Variants in TCEA1 observed in about 807,000 individuals in gnomAD.
TCEA1 encodes transcription elongation factor A protein 1.
In TCEA1, 21 loss-of-function variants were observed where a neutral mutation model predicts 43.8. The ratio of observed to expected loss-of-function variants is 0.48; its 90% CI spans 0.34 to 0.69. The LOEUF is 0.69. Ranked by LOEUF, TCEA1 falls within the 30% of genes least tolerant of loss-of-function variation. TCEA1 has a pLI of 0.01. For missense variants in TCEA1, 250 were observed against 365.1 expected (o/e 0.68, Z 2.57); for synonymous variants, 104 against 117.5 (o/e 0.88, Z 0.75).
At chr8:53,972,715 C>T (rs954846737) in intron 8 of TCEA1, 6 of 672,896 alleles carry the variant, frequency 8.9e-6, no homozygotes, top group Non-Finnish European at 1.7e-5. Flanking sequence ...GACTGGACCT[C>T]TAGAGAAAAA....
At chr8:54,006,459 A>G (rs1169095817) in intron 2 of TCEA1, among the ~76,000 whole-genome samples, 2 of 152,162 alleles carry the variant, frequency 1.3e-5, no homozygotes, top group Non-Finnish European at 2.9e-5. Context: ...AGCCTGGGCA[A>G]CAAGAGTGAA....
intron 7 of TCEA1, among the ~76,000 whole-genome samples, chr8:53,983,540 A>G (rs1054911684): frequency 5.9e-5 from 9 of 152,226 alleles, no homozygotes; most frequent in Non-Finnish European, 1.3e-4. Context: ...CTGTGATCCC[A>G]GCAGGAGATT....
At chr8:53,973,251 A>C in intron 8 of TCEA1, 1 of 477,964 alleles carries the variant, frequency 2.1e-6, no homozygotes, top group Non-Finnish European at 3.9e-6. Context: ...GACAAAGAAA[A>C]TGATATGGAA....
intron 3 of TCEA1, among the ~76,000 whole-genome samples, chr8:53,996,418 T>C (rs1321557985): frequency 1.3e-5 from 2 of 152,238 alleles, no homozygotes; most frequent in Non-Finnish European, 2.9e-5. Flanking sequence ...GAGATTATAA[T>C]AGCACCTACC....
intron 8 of TCEA1, among the ~76,000 whole-genome samples, chr8:53,975,877 T>C (rs2129299475): frequency 6.6e-6 from 1 of 152,246 alleles, no homozygotes; most frequent in South Asian, 2.1e-4. Context: ...AGTTGGGAAA[T>C]TTTAGGTTAC....
At chr8:53,977,822 C>T (rs1285031047) in intron 8 of TCEA1, among the ~76,000 whole-genome samples, 1 of 152,022 alleles carries the variant, frequency 6.6e-6, no homozygotes, top group Non-Finnish European at 1.5e-5. Flanking sequence ...ATCAATATTA[C>T]AAAAAGGAAC....
At chr8:54,014,333 G>A (rs1269082860) in intron 1 of TCEA1, among the ~76,000 whole-genome samples, 1 of 152,110 alleles carries the variant, frequency 6.6e-6, no homozygotes, top group South Asian at 2.1e-4. Flanking sequence ...GCCTAGGCCA[G>A]GCACAATGGC....
chr8:53,969,899 A>C (rs1047014798), intron 9 of TCEA1, among the ~76,000 whole-genome samples: 1 of 152,198 alleles, frequency 6.6e-6, no homozygotes, highest in Admixed American at 6.5e-5. Context: ...TGTGGGACTA[A>C]TTTCAAGAGC....
chr8:53,979,647 G>C (rs1803445027), intron 7 of TCEA1, among the ~76,000 whole-genome samples: 1 of 152,182 alleles, frequency 6.6e-6, no homozygotes, highest in South Asian at 2.1e-4. Flanking sequence ...AATGCCAGAG[G>C]ATTAGGATTA....
chr8:53,973,551 T>C (rs890082852), intron 8 of TCEA1: 5 of 525,964 alleles, frequency 9.5e-6, no homozygotes, highest in Non-Finnish European at 1.8e-5. Context: ...GAAACCAAAA[T>C]AGAAAGATGA....
intron 9 of TCEA1, 131 bp from the exon 10 acceptor site, chr8:53,968,243 C>A: frequency 1.5e-6 from 1 of 654,634 alleles, no homozygotes; most frequent in South Asian, 4.1e-5. Flanking sequence ...GTATTTTTCA[C>A]ACATAATAAT....
intron 2 of TCEA1, among the ~76,000 whole-genome samples, chr8:54,002,484 A>C (rs1804303431): frequency 6.6e-6 from 1 of 152,080 alleles, no homozygotes. Flanking sequence ...AAAAAAGAAA[A>C]AAAAGAAATG....
chr8:53,981,931 T>C lies in TCEA1; in HGVS notation c.678+2432A>G, dbSNP rs78526858. On this transcript the variant is annotated intron_variant, in intron 7 of 9. Coordinates refer to ENST00000521604, the MANE Select transcript of TCEA1 (RefSeq NM_006756.4). ...CACCATGCCCAGCTAAGTTTTCTTT[T>C]TTTTTTTTTTTTTTGTAGAGATGGG... 6.8e-4 allele frequency among the ~76,000 whole-genome samples: 81 copies of C among 119,294 alleles called. No individual in the cohort carries two copies. The East Asian group carries it at 0.012, about 17-fold the overall frequency. 78.3% of individuals were successfully genotyped at this position (119,294 alleles called of 152,430 possible).
At chr8:53,976,746 G>T (rs926446842) in intron 8 of TCEA1, among the ~76,000 whole-genome samples, 1 of 152,008 alleles carries the variant, frequency 6.6e-6, no homozygotes, top group East Asian at 1.9e-4. Context: ...AATTTTTATT[G>T]TTAAGATATT....
intron 3 of TCEA1, among the ~76,000 whole-genome samples, chr8:53,997,902 G>A (rs911163811): frequency 2.6e-5 from 4 of 152,184 alleles, no homozygotes; most frequent in Admixed American, 2.0e-4. Flanking sequence ...GAAAGGGGGT[G>A]GATAGGGGAA....
At chr8:53,999,123 G>C (rs1013833696) in intron 3 of TCEA1, among the ~76,000 whole-genome samples, 4 of 151,178 alleles carry the variant, frequency 2.6e-5, no homozygotes, top group African/African-American at 9.7e-5. Flanking sequence ...AGCTACTCGG[G>C]AGGCTGAGGC....
intron 1 of TCEA1, among the ~76,000 whole-genome samples, chr8:54,019,484 C>A (rs1296161121): frequency 6.6e-6 from 1 of 151,078 alleles, no homozygotes; most frequent in African/African-American, 2.4e-5. Context: ...GCAAGAGAAT[C>A]GCTTGAACTG....
intron 9 of TCEA1, 62 bp downstream of exon 9, chr8:53,970,330 A>G (rs1803119945): frequency 8.8e-7 from 1 of 1,138,494 alleles, no homozygotes; most frequent in African/African-American, 1.5e-5. Context: ...ACCTATGAAA[A>G]GACCAGAAGA....
intron 4 of TCEA1, among the ~76,000 whole-genome samples, chr8:53,990,210 A>C (rs1803829385): frequency 6.6e-6 from 1 of 151,658 alleles, no homozygotes; most frequent in African/African-American, 2.4e-5. Flanking sequence ...AAAAAAAAAA[A>C]TAATCCAACA....
Sources: allele counts gnomAD v4.1 joint callset (sites outside exome capture counted in the v4.1 genomes callset), GRCh38; gene constraint gnomAD v4.1.1; transcripts MANE v1.5; gene names NCBI Gene and HGNC (gene_info 2026-07-23, HGNC 2026-07-21).